PLGRKT: variants seen among roughly 807,000 people sequenced by gnomAD.
PLGRKT encodes plasminogen receptor with a C-terminal lysine.
A neutral mutation model predicts 18.5 loss-of-function variants in PLGRKT; 22 were observed. The observed-to-expected ratio is 1.19, with a 90% CI of 0.85 to 1.70. PLGRKT has a LOEUF of 1.70. Ranked by LOEUF, PLGRKT falls within the 40% of genes most tolerant of loss-of-function variation. PLGRKT has a pLI of 0.00. For missense variants in PLGRKT, 235 were observed against 174.4 expected, an observed-to-expected ratio of 1.35 and a Z score of -1.96; for synonymous variants, 72 against 52.8, an observed-to-expected ratio of 1.36 and a Z score of -1.58.
At chr9:5,424,258 CTA>C (rs1295548332) in intron 3 of PLGRKT, among the ~76,000 whole-genome samples, 1 of 135,200 alleles carries the variant, frequency 7.4e-6, no homozygotes, top group East Asian at 2.0e-4. Flanking sequence ...TATATATACA[CTA>C]TATGTCATAT....
chr9:5,358,326 A>ACTCTTTT lies in PLGRKT; in HGVS notation c.350_356dup (p.Ser119ArgfsTer4). The ACTCTTTT allele has an allele frequency of 1.2e-6, 2 of 1,611,492 alleles. No homozygotes were observed. Among genetic ancestry groups the ACTCTTTT allele is most frequent in the Non-Finnish European group, 1.7e-6 (2 of 1,178,008 alleles). On this transcript the variant is annotated frameshift_variant, in exon 6 of 6. Coordinates refer to ENST00000223864, the MANE Select transcript of PLGRKT (RefSeq NM_018465.4). LOFTEE classifies it high-confidence loss of function. The stretch of plus-strand genomic sequence containing the variant: ...TCATTCCTCTTGGCAGCTGCAATTT[A>ACTCTTTT]CTCTTTTCTGTTTCCAGTATGTCCT...
chr9:5,362,934 C>A lies in PLGRKT; in HGVS notation c.82-1046G>T, dbSNP rs76434582. Among the ~76,000 whole-genome samples, 319 of 152,208 alleles carry A rather than the reference C, an allele frequency of 2.1e-3. 2 individuals carry two copies. The highest frequency in any genetic ancestry group is 7.2e-3 in the African/African-American group (298 of 41,528). The stretch of plus-strand genomic sequence containing the variant: ...CTGGGAGGGAGCAGCTACAGCACAG[C>A]AGAAATGGTTTCAGGGCAGACCTTG... On this transcript the variant is annotated intron_variant, in intron 3 of 5. Transcript: ENST00000223864.
At chr9:5,382,753 C>T (rs551768578) in intron 3 of PLGRKT, among the ~76,000 whole-genome samples, 1 of 152,198 alleles carries the variant, frequency 6.6e-6, no homozygotes, top group South Asian at 2.1e-4. Flanking sequence ...CACAGGTAGA[C>T]CCACTAGGGA....
intron 3 of PLGRKT, among the ~76,000 whole-genome samples, chr9:5,426,561 C>A (rs934572840): frequency 6.6e-6 from 1 of 152,186 alleles, no homozygotes; most frequent in Non-Finnish European, 1.5e-5. Flanking sequence ...TTCATCCTTT[C>A]TTGAAATTAA....
At chr9:5,436,829 C>T (rs1284046687) in intron 1 of PLGRKT, 135 bp from the exon 2 acceptor site, 2 of 152,176 alleles carry the variant, frequency 1.3e-5, no homozygotes, top group Non-Finnish European at 2.9e-5. Context: ...CGTAGGGTGT[C>T]CAGAACACTT....
At chr9:5,376,148 TAGAG>T (rs777592413) in intron 3 of PLGRKT, among the ~76,000 whole-genome samples, 1 of 152,112 alleles carries the variant, frequency 6.6e-6, no homozygotes, top group Non-Finnish European at 1.5e-5. Context: ...GTCAAATTAA[TAGAG>T]AGAGACAGAA....
chr9:5,359,024 A>C (rs1817201052), intron 5 of PLGRKT, among the ~76,000 whole-genome samples: 1 of 151,960 alleles, frequency 6.6e-6, no homozygotes, highest in Non-Finnish European at 1.5e-5. Context: ...ATTAAAAGGT[A>C]ACACTTTCTG....
intron 5 of PLGRKT, among the ~76,000 whole-genome samples, chr9:5,358,818 A>G (rs919596533): frequency 3.3e-5 from 5 of 152,176 alleles, no homozygotes; most frequent in Non-Finnish European, 7.3e-5. Flanking sequence ...ATAATATTAA[A>G]TGTTCTTCAG....
At chr9:5,424,669 T>TATATATATATATATATATATAC (rs1818656232) in intron 3 of PLGRKT, among the ~76,000 whole-genome samples, 2 of 43,714 alleles carry the variant, frequency 4.6e-5, no homozygotes, top group African/African-American at 1.6e-4. Flanking sequence ...TTATATATTT[T>TATATATATATATATATATATAC]ATATATATAT....
chr9:5,390,737 A>C (rs1450102154), intron 3 of PLGRKT, among the ~76,000 whole-genome samples: 1 of 151,904 alleles, frequency 6.6e-6, no homozygotes, highest in African/African-American at 2.4e-5. Context: ...TGTGTGACTT[A>C]GAGATAATAT....
intron 3 of PLGRKT, among the ~76,000 whole-genome samples, chr9:5,384,509 C>A (rs1219031992): frequency 6.6e-6 from 1 of 152,088 alleles, no homozygotes; most frequent in Non-Finnish European, 1.5e-5. Flanking sequence ...TTGACTGTGA[C>A]TGTGTACTCA....
chr9:5,430,569 A>C (rs780952399), intron 3 of PLGRKT, among the ~76,000 whole-genome samples: 1 of 152,262 alleles, frequency 6.6e-6, no homozygotes, highest in Non-Finnish European at 1.5e-5. Context: ...TATATATTTC[A>C]TCTTTAATCT....
At chr9:5,397,548 G>A (rs1586725095) in intron 3 of PLGRKT, among the ~76,000 whole-genome samples, 1 of 151,630 alleles carries the variant, frequency 6.6e-6, no homozygotes, top group African/African-American at 2.4e-5. Flanking sequence ...AAGGAAGGAA[G>A]GAGGGAGGGA....
intron 3 of PLGRKT, among the ~76,000 whole-genome samples, chr9:5,427,316 A>G (rs1240499144): frequency 1.3e-5 from 2 of 152,186 alleles, no homozygotes; most frequent in Non-Finnish European, 2.9e-5. Context: ...TTACTTAACC[A>G]TAGCCCCAAA....
chr9:5,434,437 T>C (rs1284962498), intron 2 of PLGRKT, among the ~76,000 whole-genome samples: 3 of 144,382 alleles, frequency 2.1e-5, no homozygotes, highest in African/African-American at 7.9e-5. Flanking sequence ...GGAGCACCTC[T>C]GCCCGGCCGC....
At chr9:5,437,485 T>G (rs773049003) in intron 1 of PLGRKT, 1 of 152,240 alleles carries the variant, frequency 6.6e-6, no homozygotes, top group Non-Finnish European at 1.5e-5. Context: ...CCAGTTACTG[T>G]AATTTAGGTA....
In PLGRKT at chr9:5,370,829, C is replaced by T. The variant is rs115663171; in HGVS notation, c.82-8941G>A. ...AAAGCAGCCATAATGAAAGCTGTGG[C>T]AAGTGGCATTTAACCTTAACTTGCT... is the stretch of plus-strand genomic sequence containing the variant. On this transcript the variant is annotated intron_variant, in intron 3 of 5. Coordinates refer to ENST00000223864, the MANE Select transcript of PLGRKT (RefSeq NM_018465.4). Among the ~76,000 whole-genome samples, 706 of 152,232 alleles carry T rather than the reference C, an allele frequency of 4.6e-3. 9 individuals are homozygous for T. The highest frequency in any genetic ancestry group is 0.016 in the African/African-American group (656 of 41,556).
In PLGRKT at chr9:5,423,057, C is replaced by G. The variant is rs143139676; in HGVS notation, c.81+8840G>C. ...AAATATAAAGTTTTGGGGTTTTTCT[C>G]TCAAAATTCTGAAGATATGGCTCCA... On this transcript the variant is annotated intron_variant, in intron 3 of 5. Transcript: ENST00000223864. Among the ~76,000 whole-genome samples, 821 of 152,232 alleles carry G rather than the reference C, an allele frequency of 5.4e-3. 3 individuals carry two copies. The highest frequency in any genetic ancestry group is 8.7e-3 in the Non-Finnish European group (594 of 68,016).
chr9:5,393,450 G>A (rs1307220435), intron 3 of PLGRKT, among the ~76,000 whole-genome samples: 6 of 151,798 alleles, frequency 4.0e-5, no homozygotes, highest in Non-Finnish European at 8.8e-5. Context: ...TATGGTAAGT[G>A]TAAATAATTC....
Sources: allele counts gnomAD v4.1 joint callset (sites outside exome capture counted in the v4.1 genomes callset), GRCh38; gene constraint gnomAD v4.1.1; transcripts MANE v1.5; gene names NCBI Gene and HGNC (gene_info 2026-07-23, HGNC 2026-07-21).